FMN1: variants seen among roughly 807,000 people sequenced by gnomAD.
The protein encoded by FMN1 is formin-1.
FMN1 carries 110 observed loss-of-function variants against 132.4 expected under a neutral mutation model. That is an observed-to-expected ratio of 0.83 (90% CI 0.71 to 0.97). The LOEUF (loss-of-function observed/expected upper bound fraction) is 0.97. Among genes scored for constraint, FMN1 ranks in the 50% least tolerant of loss-of-function variants. FMN1 has a pLI of 0.00. For synonymous variants in FMN1, 722 were observed against 651.7 expected (o/e 1.11, Z -1.64); for missense variants, 1,792 against 1,705.3 (o/e 1.05, Z -0.90).
At chr15:33,052,338 G>C (rs1312184762) in intron 6 of FMN1, among the ~76,000 whole-genome samples, 1 of 152,078 alleles carries the variant, frequency 6.6e-6, no homozygotes, top group Non-Finnish European at 1.5e-5. Context: ...GAAAAAACAT[G>C]GAAAACATTG....
At chr15:33,125,924 A>G (rs1963019131) in intron 4 of FMN1, among the ~76,000 whole-genome samples, 1 of 152,224 alleles carries the variant, frequency 6.6e-6, no homozygotes. Flanking sequence ...TTTCTTTCTA[A>G]AAACCATCTC....
rs543761401 is a variant in FMN1 at position 33,125,144 on chromosome 15, T to C, written c.1867+27904A>G. ...CATCTAGGGAGGCCAAATGATGCGG[T>C]AGAATGCAGAGTTTGAATCCCTGAT... On this transcript the variant is annotated intron_variant, in intron 4 of 20. Coordinates refer to ENST00000616417, the MANE Select transcript of FMN1 (RefSeq NM_001277313.2). Among the ~76,000 whole-genome samples, 40 of 152,294 alleles carry C rather than the reference T, an allele frequency of 2.6e-4. 1 individual carries two copies. In the Middle Eastern group the frequency reaches 0.01, roughly 39 times the overall value.
At chr15:32,937,425 T>C (rs2061301835) in intron 9 of FMN1, among the ~76,000 whole-genome samples, 1 of 152,208 alleles carries the variant, frequency 6.6e-6, no homozygotes, top group Non-Finnish European at 1.5e-5. Context: ...CATGCTCACC[T>C]GGGGTTTAGG....
At chr15:33,108,304 G>A (rs1035149712) in intron 4 of FMN1, among the ~76,000 whole-genome samples, 1 of 151,988 alleles carries the variant, frequency 6.6e-6, no homozygotes, top group South Asian at 2.1e-4. Context: ...TTTGATGGAG[G>A]GGGAAAAACA....
chr15:32,890,873 G>A (rs2060010880), intron 15 of FMN1, among the ~76,000 whole-genome samples: 1 of 152,206 alleles, frequency 6.6e-6, no homozygotes, highest in Non-Finnish European at 1.5e-5. Flanking sequence ...ATAGTTTGAA[G>A]TCTTAGATTT....
At chr15:33,011,019 T>C (rs1490809359) in intron 6 of FMN1, among the ~76,000 whole-genome samples, 1 of 152,164 alleles carries the variant, frequency 6.6e-6, no homozygotes, top group Non-Finnish European at 1.5e-5. Flanking sequence ...TTGAGTTTTG[T>C]TTTGTTTGAA....
intron 4 of FMN1, among the ~76,000 whole-genome samples, chr15:33,112,946 G>A (rs1440982772): frequency 1.3e-5 from 2 of 152,140 alleles, no homozygotes; most frequent in African/African-American, 4.8e-5. Context: ...GGGACAAAGG[G>A]GAAGGCAGGG....
chr15:32,779,524 C>T lies in FMN1; in HGVS notation c.4131-2605G>A, dbSNP rs1258384418. 2.6e-5 allele frequency among the ~76,000 whole-genome samples: 4 copies of T among 152,112 alleles called. No individual in the cohort carries two copies. In the South Asian group the frequency reaches 6.2e-4, roughly 24 times the overall value. On this transcript the variant is annotated intron_variant, in intron 19 of 20. Coordinates refer to ENST00000616417, the MANE Select transcript of FMN1 (RefSeq NM_001277313.2). Reference sequence around the variant, plus strand: ...TCAAGTAAAACTGAAAGCATGTACACTCTACGAGCCATCAAGTTTTCTTGT... The same window carrying T: ...TCAAGTAAAACTGAAAGCATGTACATTCTACGAGCCATCAAGTTTTCTTGT...
chr15:32,881,660 T>C (rs534910), intron 16 of FMN1, among the ~76,000 whole-genome samples: 4,850 of 152,248 alleles, frequency 0.032, 252 homozygotes, highest in African/African-American at 0.11. Flanking sequence ...ATCTAATTTT[T>C]GTCTTTTTTC....
intron 5 of FMN1, among the ~76,000 whole-genome samples, chr15:33,088,270 TA>T (rs565087777): frequency 4.6e-4 from 70 of 152,262 alleles, no homozygotes; most frequent in African/African-American, 1.3e-3. Context: ...ACAAAAACTT[TA>T]AAAAAGAGAA....
At chr15:32,892,982 T>G (rs536667520) in intron 15 of FMN1, among the ~76,000 whole-genome samples, 40 of 152,314 alleles carry the variant, frequency 2.6e-4, no homozygotes, top group Middle Eastern at 6.8e-3. Flanking sequence ...TATTTTTGGT[T>G]GATGGGCACT....
At chr15:33,030,028 G>A (rs2035862227) in intron 6 of FMN1, among the ~76,000 whole-genome samples, 1 of 152,124 alleles carries the variant, frequency 6.6e-6, no homozygotes, top group Non-Finnish European at 1.5e-5. Flanking sequence ...CGTGGTGGCG[G>A]GTACCTGTAG....
chr15:32,997,644 C>T (rs761364748), intron 7 of FMN1, among the ~76,000 whole-genome samples: 3 of 152,098 alleles, frequency 2.0e-5, no homozygotes, highest in Non-Finnish European at 4.4e-5. Context: ...TAAACATCTC[C>T]AATTAAGTCA....
At position 32,879,033 on chromosome 15, in the gene FMN1, T is replaced by C. The variant is rs118056541; in HGVS notation, c.3835+9139A>G. Among the ~76,000 whole-genome samples, 886 of 152,218 alleles carry C rather than the reference T, an allele frequency of 5.8e-3. 1 individual carries two copies. The highest frequency in any genetic ancestry group is 8.6e-3 in the Non-Finnish European group (582 of 68,014). ...ATGAATCAAGTTTCAGTTTCCTCTCTCCTTTCTGTACAACTTGTCTTTGAA... is the reference window on the plus strand; with the variant it reads ...ATGAATCAAGTTTCAGTTTCCTCTCCCCTTTCTGTACAACTTGTCTTTGAA... On this transcript the variant is annotated intron_variant, in intron 16 of 20. Coordinates refer to ENST00000616417, the MANE Select transcript of FMN1 (RefSeq NM_001277313.2).
chr15:33,045,672 T>C (rs2036645163), intron 6 of FMN1, among the ~76,000 whole-genome samples: 1 of 152,192 alleles, frequency 6.6e-6, no homozygotes, highest in African/African-American at 2.4e-5. Context: ...CTGGCTTGGA[T>C]CCAGTTAGAG....
chr15:33,025,089 C>G (rs1024825792), intron 6 of FMN1, among the ~76,000 whole-genome samples: 1 of 152,034 alleles, frequency 6.6e-6, no homozygotes, highest in African/African-American at 2.4e-5. Flanking sequence ...CAATTTTACC[C>G]AAGTGGCTGG....
intron 4 of FMN1, among the ~76,000 whole-genome samples, chr15:33,099,251 A>T (rs1300847385): frequency 6.6e-6 from 1 of 152,242 alleles, no homozygotes; most frequent in African/African-American, 2.4e-5. Context: ...AGATCGTGCC[A>T]TTGCACTTCA....
chr15:32,952,077 C>G (rs1288616081), intron 9 of FMN1, among the ~76,000 whole-genome samples: 1 of 152,208 alleles, frequency 6.6e-6, no homozygotes. Context: ...CTTTTCCATG[C>G]ACCTTCAGCC....
intron 17 of FMN1, among the ~76,000 whole-genome samples, chr15:32,855,281 A>T (rs959664269): frequency 2.0e-5 from 3 of 151,972 alleles, no homozygotes; most frequent in Non-Finnish European, 4.4e-5. Flanking sequence ...AAAATCTCCT[A>T]AGTGATTCTA....
Sources: allele counts gnomAD v4.1 joint callset (sites outside exome capture counted in the v4.1 genomes callset), GRCh38; gene constraint gnomAD v4.1.1; transcripts MANE v1.5; gene names NCBI Gene and HGNC (gene_info 2026-07-23, HGNC 2026-07-21).